Variants in UBAC2 observed in about 807,000 individuals in gnomAD.
UBAC2 encodes the protein ubiquitin-associated domain-containing protein 2.
In UBAC2, 26 loss-of-function variants were observed where a neutral mutation model predicts 44.0. The observed-to-expected ratio is 0.59, with a 90% confidence interval of 0.43 to 0.82. The LOEUF (loss-of-function observed/expected upper bound fraction) is 0.82. UBAC2 is among the 40% of genes least tolerant of loss of function. The probability of loss-of-function intolerance (pLI) is 0.00; values close to 1 mark genes in which losing one functional copy is unlikely to be tolerated. For missense variants in UBAC2, 329 were observed against 419.4 expected (o/e 0.78, Z 1.88); for synonymous variants, 155 against 154.3 (o/e 1.00, Z -0.04).
At chr13:99,255,899 C>G in intron 4 of UBAC2, 1 of 1,502,872 alleles carries the variant, frequency 6.7e-7, no homozygotes, top group African/African-American at 1.4e-5. Context: ...AGGCATGATA[C>G]TTAGAAACTG....
At chr13:99,338,924 C>G (rs1328983797) in intron 6 of UBAC2, among the ~76,000 whole-genome samples, 1 of 152,220 alleles carries the variant, frequency 6.6e-6, no homozygotes, top group Non-Finnish European at 1.5e-5. Context: ...GATTTCCTTA[C>G]TGGCGTTTCC....
intron 1 of UBAC2, among the ~76,000 whole-genome samples, chr13:99,226,535 C>G (rs2043111709): frequency 6.6e-6 from 1 of 152,118 alleles, no homozygotes; most frequent in Non-Finnish European, 1.5e-5. Context: ...ATTTAGCAAC[C>G]AAAGTGATCA....
chr13:99,266,718 C>T (rs2043748717), intron 4 of UBAC2, among the ~76,000 whole-genome samples: 1 of 152,152 alleles, frequency 6.6e-6, no homozygotes, highest in Non-Finnish European at 1.5e-5. Flanking sequence ...AATTTATCGT[C>T]TTAACCATGT....
intron 4 of UBAC2, among the ~76,000 whole-genome samples, chr13:99,290,031 A>T (rs1474618556): frequency 4.6e-5 from 7 of 152,120 alleles, no homozygotes; most frequent in Non-Finnish European, 1.0e-4. Context: ...ATATCTGTTT[A>T]TTTGTTTAAG....
intron 1 of UBAC2, among the ~76,000 whole-genome samples, chr13:99,218,971 G>A (rs2043026492): frequency 6.6e-6 from 1 of 152,092 alleles, no homozygotes. Flanking sequence ...GTGGATTTCT[G>A]CCCTTAGTTT....
intron 4 of UBAC2, among the ~76,000 whole-genome samples, chr13:99,285,768 T>C (rs2044011170): frequency 6.6e-6 from 1 of 152,212 alleles, no homozygotes; most frequent in Admixed American, 6.5e-5. Flanking sequence ...GAATGCTCTA[T>C]TTCTTAAACT....
chr13:99,369,882 G>C (rs547967805), intron 8 of UBAC2, among the ~76,000 whole-genome samples: 39 of 152,236 alleles, frequency 2.6e-4, no homozygotes, highest in African/African-American at 7.9e-4. Context: ...TGATCGTAAG[G>C]GAAAATAAGA....
chr13:99,207,681 A>G (rs1019072714), intron 1 of UBAC2, among the ~76,000 whole-genome samples: 1 of 145,776 alleles, frequency 6.9e-6, no homozygotes, highest in Non-Finnish European at 1.6e-5. Context: ...TGATGAGCCT[A>G]AGGTCCACTG....
At chr13:99,228,919 A>G (rs984004789) in intron 1 of UBAC2, among the ~76,000 whole-genome samples, 13 of 152,256 alleles carry the variant, frequency 8.5e-5, no homozygotes, top group Admixed American at 2.0e-4. Context: ...TTAGACAAGT[A>G]CAATAACCAC....
intron 4 of UBAC2, among the ~76,000 whole-genome samples, chr13:99,262,265 T>G (rs1216514903): frequency 6.6e-6 from 1 of 152,198 alleles, no homozygotes; most frequent in Non-Finnish European, 1.5e-5. Flanking sequence ...TAGGTATGTA[T>G]GTACAGGAAA....
At chr13:99,242,352 G>A (rs545044373) in intron 2 of UBAC2, among the ~76,000 whole-genome samples, 6 of 129,976 alleles carry the variant, frequency 4.6e-5, no homozygotes, top group Non-Finnish European at 8.4e-5. Flanking sequence ...CCTCCCTCCC[G>A]GACGGGGCGG....
intron 7 of UBAC2, among the ~76,000 whole-genome samples, chr13:99,356,921 T>G (rs1334597609): frequency 2.6e-5 from 4 of 152,172 alleles, no homozygotes; most frequent in Non-Finnish European, 4.4e-5. Context: ...TTGGTTTTCT[T>G]TTTTTGGGCT....
chr13:99,229,646 C>G (rs1005437625), intron 1 of UBAC2, among the ~76,000 whole-genome samples: 1 of 152,100 alleles, frequency 6.6e-6, no homozygotes, highest in African/African-American at 2.4e-5. Flanking sequence ...GATGCAGGAC[C>G]GTAAAAATGA....
At chr13:99,318,821 C>CA (rs397851352) in intron 6 of UBAC2, among the ~76,000 whole-genome samples, 1,264 of 69,682 alleles carry the variant, frequency 0.018, 35 homozygotes, top group East Asian at 0.031. Context: ...GACTCCATCT[C>CA]AAAAAAAAAA....
chr13:99,364,564 A>G (rs556911979), intron 7 of UBAC2, among the ~76,000 whole-genome samples: 7 of 152,134 alleles, frequency 4.6e-5, no homozygotes, highest in African/African-American at 1.7e-4. Context: ...TCTGTACTCT[A>G]GAGCAGTTTA....
At chr13:99,266,725 A>G (rs754246997) in intron 4 of UBAC2, among the ~76,000 whole-genome samples, 3 of 152,188 alleles carry the variant, frequency 2.0e-5, no homozygotes, top group Non-Finnish European at 4.4e-5. Context: ...CGTCTTAACC[A>G]TGTTTAAATG....
intron 8 of UBAC2, among the ~76,000 whole-genome samples, chr13:99,373,656 G>A (rs1465434898): frequency 1.3e-5 from 2 of 152,238 alleles, no homozygotes; most frequent in Non-Finnish European, 2.9e-5. Context: ...GTGTTGCAGA[G>A]GAGGGGCCTG....
intron 2 of UBAC2, among the ~76,000 whole-genome samples, chr13:99,239,852 C>T (rs1396731002): frequency 6.6e-6 from 1 of 152,140 alleles, no homozygotes; most frequent in African/African-American, 2.4e-5. Context: ...ATCTGTAGGT[C>T]ACAGGTGTAC....
intron 7 of UBAC2, among the ~76,000 whole-genome samples, chr13:99,356,558 A>G (rs1447229101): frequency 1.3e-5 from 2 of 152,348 alleles, no homozygotes; most frequent in Non-Finnish European, 2.9e-5. Context: ...ACCACAAAGG[A>G]AAAGTGAAAC....
Sources: gnomAD v4.1 joint callset for allele counts (sites outside exome capture counted in the v4.1 genomes callset) on GRCh38, gnomAD v4.1.1 for gene constraint, MANE v1.5 for transcripts, NCBI Gene and HGNC (gene_info 2026-07-23, HGNC 2026-07-21) for gene names.